CPVL: variants seen among roughly 807,000 people sequenced by gnomAD.
The protein encoded by CPVL is probable serine carboxypeptidase CPVL.
In CPVL, 51 loss-of-function variants were observed where a neutral mutation model predicts 63.7. That is an observed-to-expected ratio of 0.80 (90% confidence interval 0.64 to 1.01). The LOEUF (loss-of-function observed/expected upper bound fraction) is 1.01. Among genes scored for constraint, CPVL ranks in the 50% least tolerant of loss-of-function variants. CPVL has a pLI of 0.00. For synonymous variants in CPVL, 195 were observed against 206.0 expected, an observed-to-expected ratio of 0.95 and a Z score of 0.46; for missense variants, 530 against 573.1, an observed-to-expected ratio of 0.92 and a Z score of 0.77.
intron 12 of CPVL, among the ~76,000 whole-genome samples, chr7:28,998,532 G>A (rs1442477230): frequency 1.3e-5 from 2 of 152,140 alleles, no homozygotes; most frequent in Admixed American, 1.3e-4. Flanking sequence ...ATTACCTCGT[G>A]GGGTAGTTGT....
Position 29,064,251 on chromosome 7 carries a change from T to C in CPVL, c.964-17A>G, listed in dbSNP as rs644763. ...CTCAGGTTCCTGGCAGAAGGGGCATTGGAAAGACATAGGGAACATGATTGG... is the reference window on the plus strand; with the variant it reads ...CTCAGGTTCCTGGCAGAAGGGGCATCGGAAAGACATAGGGAACATGATTGG... On this transcript the variant is annotated splice_polypyrimidine_tract_variant and intron_variant, in intron 10 of 12. Coordinates refer to ENST00000265394, the MANE Select transcript of CPVL (RefSeq NM_031311.5). 0.84 allele frequency: 1,328,388 copies of C among 1,573,142 alleles called. 561,763 individuals carry two copies. The highest frequency in any genetic ancestry group is 0.91 in the South Asian group (81,408 of 89,888).
intron 11 of CPVL, among the ~76,000 whole-genome samples, chr7:29,059,760 T>C (rs1000613252): frequency 1.3e-5 from 2 of 152,218 alleles, no homozygotes; most frequent in African/African-American, 4.8e-5. Flanking sequence ...TTTTAAACTC[T>C]CAGACTTGTC....
chr7:28,996,030 A>G (rs1192310427), intron 12 of CPVL, 148 bp from the exon 13 acceptor site: 1 of 516,944 alleles, frequency 1.9e-6, no homozygotes, highest in Non-Finnish European at 3.3e-6. Flanking sequence ...CAAGCTGCCT[A>G]TCTGGCTGTT....
intron 1 of CPVL, among the ~76,000 whole-genome samples, chr7:29,121,857 A>G (rs921141178): frequency 3.3e-5 from 5 of 152,172 alleles, no homozygotes; most frequent in Non-Finnish European, 5.9e-5. Flanking sequence ...AAAAACAGGA[A>G]GGAAGAAAGA....
At chr7:29,085,171 A>C (rs1441274988) in intron 7 of CPVL, among the ~76,000 whole-genome samples, 2 of 152,178 alleles carry the variant, frequency 1.3e-5, no homozygotes, top group Non-Finnish European at 1.5e-5. Flanking sequence ...CCCCAGGAAA[A>C]AGAAACAGCA....
chr7:29,062,796 T>C (rs1782759343), intron 11 of CPVL, among the ~76,000 whole-genome samples: 2 of 152,224 alleles, frequency 1.3e-5, no homozygotes, highest in African/African-American at 2.4e-5. Flanking sequence ...GGACAATTTC[T>C]GAAAGATCGA....
At chr7:29,059,447 C>T (rs1325632058) in intron 11 of CPVL, among the ~76,000 whole-genome samples, 1 of 152,038 alleles carries the variant, frequency 6.6e-6, no homozygotes, top group East Asian at 1.9e-4. Context: ...CAAAAATTAT[C>T]GATAAAATAT....
At chr7:29,173,953 A>G (rs916657861) in intron 5 of CPVL, among the ~76,000 whole-genome samples, 2 of 151,902 alleles carry the variant, frequency 1.3e-5, no homozygotes, top group African/African-American at 4.8e-5. Flanking sequence ...CTGACTCAAA[A>G]AAAAAAAAAA....
intron 12 of CPVL, among the ~76,000 whole-genome samples, chr7:29,004,744 G>A (rs1270079924): frequency 6.6e-6 from 1 of 152,086 alleles, no homozygotes; most frequent in Non-Finnish European, 1.5e-5. Flanking sequence ...AGGTTTCTGG[G>A]AACATAGGGC....
intron 1 of CPVL, among the ~76,000 whole-genome samples, chr7:29,191,184 A>G (rs1456727409): frequency 1.3e-5 from 2 of 152,162 alleles, no homozygotes; most frequent in African/African-American, 4.8e-5. Flanking sequence ...CTCCCACCTC[A>G]ACTTACTGAG....
Position 29,072,416 on chromosome 7 carries a change from G to C in CPVL, c.617C>G (p.Ala206Gly). The C allele has an allele frequency of 6.2e-7, 1 of 1,613,740 alleles. No homozygotes were observed. The change falls in exon 8 of 13, where the codon GCA becomes GGA. Residue 206 changes from alanine (A) to glycine (G), a missense_variant. Coordinates refer to ENST00000265394, the MANE Select transcript of CPVL (RefSeq NM_031311.5). Reference protein sequence around the residue: ...NDFYVTGESYAGKYVPAIAHL... With the variant: ...NDFYVTGESYGGKYVPAIAHL... ...TGCAATGGCTGGCACATATTTCCCTGCATAAGACTGAGAAGGACAGATGTT... is the reference window on the plus strand; with the variant it reads ...TGCAATGGCTGGCACATATTTCCCTCCATAAGACTGAGAAGGACAGATGTT...
intron 1 of CPVL, among the ~76,000 whole-genome samples, chr7:29,132,372 C>G (rs532387273): frequency 2.0e-5 from 3 of 152,262 alleles, no homozygotes; most frequent in Admixed American, 6.5e-5. Context: ...CTCTGGATAT[C>G]TCTATCAGTG....
At chr7:29,151,800 A>G (rs1045337344) in intron 5 of CPVL, among the ~76,000 whole-genome samples, 2 of 152,174 alleles carry the variant, frequency 1.3e-5, no homozygotes, top group Admixed American at 6.5e-5. Context: ...ATGTATGGGA[A>G]GAGAACACCA....
At chr7:29,148,834 A>T (rs1793141239), upstream of CPVL, among the ~76,000 whole-genome samples, 1 of 152,202 alleles carries the variant, frequency 6.6e-6, no homozygotes, top group Non-Finnish European at 1.5e-5. Flanking sequence ...TAAGAGCTGT[A>T]ATTGGGGCTG....
rs532283631 is a variant in CPVL at position 29,079,643 on chromosome 7, G to T, written c.609+6841C>A. ...AATACATGAACTAGATGTTCTTGAA[G>T]TATCACTTCTAGCCATCAAATTACA... On this transcript the variant is annotated intron_variant, in intron 7 of 12. Transcript: ENST00000265394. Among the ~76,000 whole-genome samples the T allele has an allele frequency of 6.6e-5, 10 of 152,344 alleles. No individual in the cohort carries two copies. The South Asian group carries it at 2.1e-3, about 32-fold the overall frequency.
intron 1 of CPVL, among the ~76,000 whole-genome samples, chr7:29,130,644 C>T (rs1790587170): frequency 6.6e-6 from 1 of 152,088 alleles, no homozygotes; most frequent in Admixed American, 6.5e-5. Flanking sequence ...TCTCATGCCC[C>T]CTCAGCTATT....
At chr7:29,111,919 A>G (rs1169455115) in intron 3 of CPVL, among the ~76,000 whole-genome samples, 1 of 152,228 alleles carries the variant, frequency 6.6e-6, no homozygotes, top group African/African-American at 2.4e-5. Flanking sequence ...GAGGATGAAA[A>G]CAGAAAATTA....
At position 29,030,657 on chromosome 7, in the gene CPVL, C is replaced by A. The variant is rs1787934894; in HGVS notation, c.1240G>T (p.Ala414Ser). The change falls in exon 12 of 13, where the codon GCA (alanine) becomes TCA (serine). Residue 414 changes from alanine (A) to serine (S), a missense_variant. Physicochemically the swap from Ala to Ser is moderately conservative, Grantham distance 99. Coordinates refer to ENST00000265394, the MANE Select transcript of CPVL (RefSeq NM_031311.5). ...DWKGSQEYKKAEKKVWKIFKS... is the reference protein window; with the variant it reads ...DWKGSQEYKKSEKKVWKIFKS... The stretch of plus-strand genomic sequence containing the variant: ...AAGATCTTCCAAACTTTTTTTTCTG[C>A]CTTCTTGTATTCCTGGGATCCTTTC... 6.2e-7 allele frequency: 1 copy of A among 1,613,562 alleles called. No homozygotes were observed. Among genetic ancestry groups the A allele is most frequent in the African/African-American group, 1.3e-5 (1 of 74,880 alleles).
chr7:29,030,957 T>C (rs1787965003), intron 11 of CPVL, among the ~76,000 whole-genome samples, 198 bp from the exon 12 acceptor site: 1 of 152,244 alleles, frequency 6.6e-6, no homozygotes, highest in Admixed American at 6.5e-5. Context: ...TTCATAGTAA[T>C]CTGCATAAAG....
Sources: gnomAD v4.1 joint callset for allele counts (sites outside exome capture counted in the v4.1 genomes callset) on GRCh38, gnomAD v4.1.1 for gene constraint, MANE v1.5 for transcripts, NCBI Gene and HGNC (gene_info 2026-07-23, HGNC 2026-07-21) for gene names.